The following PRKD3 variants were observed in gnomAD, a reference collection of about 807,000 sequenced individuals.
PRKD3 encodes serine/threonine-protein kinase D3.
In PRKD3, 47 loss-of-function variants were observed where a neutral mutation model predicts 99.2. The observed-to-expected ratio is 0.47, with a 90% CI of 0.38 to 0.60. PRKD3 has a LOEUF of 0.60. PRKD3 is among the 20% of genes least tolerant of loss of function. The pLI is 0.00. For missense variants in PRKD3, 1,019 were observed against 1,088.4 expected (o/e 0.94, Z 0.90); for synonymous variants, 392 against 355.4 (o/e 1.10, Z -1.16).
intron 14 of PRKD3, 141 bp from the exon 15 acceptor site, chr2:37,260,525 T>C (rs1668347419): frequency 2.5e-6 from 2 of 800,436 alleles, no homozygotes; most frequent in African/African-American, 3.5e-5. Context: ...AAAATTACAA[T>C]CAATGAAAAG....
At chr2:37,262,638 G>A (rs181712896) in intron 14 of PRKD3, among the ~76,000 whole-genome samples, 12 of 152,176 alleles carry the variant, frequency 7.9e-5, no homozygotes, top group Non-Finnish European at 1.5e-4. Context: ...AGGTTGAAAT[G>A]TGACTGTTTT....
chr2:37,261,734 T>C (rs11896441), intron 14 of PRKD3, among the ~76,000 whole-genome samples: 13,097 of 152,040 alleles, frequency 0.086, 629 homozygotes, highest in African/African-American at 0.12. Context: ...GAGCTGAGAT[T>C]GCGCCATTGC....
At chr2:37,258,386 TCAGCTAA>T (rs1187198191) in intron 16 of PRKD3, among the ~76,000 whole-genome samples, 1 of 152,198 alleles carries the variant, frequency 6.6e-6, no homozygotes, top group African/African-American at 2.4e-5. Context: ...ATGCCAGATT[TCAGCTAA>T]CATCTTGATA....
chr2:37,296,769 G>GA (rs1670691457), intron 2 of PRKD3, among the ~76,000 whole-genome samples: 3 of 151,470 alleles, frequency 2.0e-5, no homozygotes, highest in Non-Finnish European at 4.4e-5. Flanking sequence ...GCGTGGTGGC[G>GA]GGCGCCTGTA....
chr2:37,260,420 G>C, intron 14 of PRKD3, 36 bp from the exon 15 acceptor site: 1 of 1,560,706 alleles, frequency 6.4e-7, no homozygotes, highest in Non-Finnish European at 8.8e-7. Flanking sequence ...AGCAACTTAA[G>C]CAGAGAAACA....
chr2:37,262,232 A>G (rs1419900910), intron 14 of PRKD3, among the ~76,000 whole-genome samples: 2 of 152,176 alleles, frequency 1.3e-5, no homozygotes, highest in Non-Finnish European at 2.9e-5. Flanking sequence ...GCTGAGTTCC[A>G]TGTCTAAGAT....
In PRKD3 at chr2:37,277,915, G is replaced by C. The variant is rs1339636952; in HGVS notation, c.1247C>G (p.Thr416Arg). The C allele has an allele frequency of 6.2e-7, 1 of 1,613,598 alleles. No homozygotes were observed. Among genetic ancestry groups the C allele is most frequent in the Admixed American group, 1.7e-5 (1 of 59,994 alleles). Residue 416 changes from threonine (T) to arginine (R), a missense_variant, in exon 9 of 19, where the codon ACA (threonine) becomes AGA (arginine). Physicochemically the swap from Thr to Arg is moderately conservative, Grantham distance 71 (BLOSUM62 -1). Transcript: ENST00000234179. Reference sequence around the variant, plus strand: ...GACCATCCACCCTTCCTTCACCATTGTGCTGCTCTTCCTCTTTGTGTGCTT... The same window carrying C: ...GACCATCCACCCTTCCTTCACCATTCTGCTGCTCTTCCTCTTTGTGTGCTT... ...SIKHTKRKSSTMVKEGWMVHY... is the reference protein window; with the variant it reads ...SIKHTKRKSSRMVKEGWMVHY...
chr2:37,256,593 G>A (rs1667959387), intron 17 of PRKD3, 69 bp downstream of exon 17: 7 of 1,419,158 alleles, frequency 4.9e-6, no homozygotes, highest in Non-Finnish European at 6.5e-6. Flanking sequence ...GATTTGGGAT[G>A]AGAAAGATGT....
intron 2 of PRKD3, among the ~76,000 whole-genome samples, chr2:37,313,672 A>AT (rs1671539538): frequency 6.6e-6 from 1 of 152,214 alleles, no homozygotes; most frequent in African/African-American, 2.4e-5. Flanking sequence ...CTAATTTTTT[A>AT]TAAAAAGAAT....
chr2:37,313,581 C>A (rs1671536283), intron 2 of PRKD3, among the ~76,000 whole-genome samples: 1 of 152,048 alleles, frequency 6.6e-6, no homozygotes, highest in Non-Finnish European at 1.5e-5. Flanking sequence ...TTAATACATG[C>A]AAGCTAAAAA....
At chr2:37,291,213 T>C (rs980132041) in intron 3 of PRKD3, among the ~76,000 whole-genome samples, 10 of 152,190 alleles carry the variant, frequency 6.6e-5, no homozygotes, top group African/African-American at 2.4e-4. Context: ...AAGTAGGTCA[T>C]AGGTTAGTTA....
chr2:37,320,600 T>C (rs1671843447), intron 1 of PRKD3, among the ~76,000 whole-genome samples: 1 of 151,784 alleles, frequency 6.6e-6, no homozygotes, highest in South Asian at 2.1e-4. Context: ...CCTGGCTCAT[T>C]TTTGGATTTT....
intron 2 of PRKD3, among the ~76,000 whole-genome samples, chr2:37,306,241 G>A (rs1005827520): frequency 1.3e-5 from 2 of 152,064 alleles, no homozygotes; most frequent in African/African-American, 4.8e-5. Context: ...GCTGTGATCT[G>A]ATCAGGAAAT....
chr2:37,282,484 C>A, intron 7 of PRKD3, 58 bp downstream of exon 7: 1 of 1,091,790 alleles, frequency 9.2e-7, no homozygotes, highest in Non-Finnish European at 1.4e-6. Context: ...AAAGATAATA[C>A]ACCAAAGAAT....
rs544330113 is a variant in PRKD3 at position 37,319,862 on chromosome 2, G to C, written c.-655-2683C>G. 1.8e-4 allele frequency among the ~76,000 whole-genome samples: 28 copies of C among 152,280 alleles called. 1 individual carries two copies. In the South Asian group the frequency reaches 5.8e-3, roughly 32 times the overall value. ...GTGGTTTTCAAATACTTGAATAAGT[G>C]TTAATAGGAGAATTGATTTTATTCA... is the stretch of plus-strand genomic sequence containing the variant. On this transcript the variant is annotated intron_variant, in intron 1 of 18. Coordinates refer to ENST00000234179, the MANE Select transcript of PRKD3 (RefSeq NM_005813.6).
At chr2:37,293,828 C>G (rs1431053163) in intron 2 of PRKD3, among the ~76,000 whole-genome samples, 2 of 152,200 alleles carry the variant, frequency 1.3e-5, no homozygotes, top group Non-Finnish European at 2.9e-5. Context: ...TTACCTATTT[C>G]ATACTGTAGC....
intron 6 of PRKD3, among the ~76,000 whole-genome samples, chr2:37,285,974 G>A (rs921730321): frequency 7.9e-5 from 12 of 152,236 alleles, no homozygotes; most frequent in Middle Eastern, 3.4e-3. Context: ...CTACTATAGT[G>A]CCTGGCACCT....
At chr2:37,320,927 C>T (rs1671860485) in intron 1 of PRKD3, among the ~76,000 whole-genome samples, 1 of 152,062 alleles carries the variant, frequency 6.6e-6, no homozygotes, top group Non-Finnish European at 1.5e-5. Flanking sequence ...AACCTAAGAG[C>T]TGTCAGATTT....
rs1306558188 is a variant in PRKD3, at chr2:37,252,732, A to G, written c.*445T>C. 2.0e-5 allele frequency: 3 copies of G among 151,912 alleles called. No individual in the cohort carries two copies. The highest frequency in any genetic ancestry group is 2.0e-4 in the Admixed American group (3 of 15,228). 9.4% of individuals were successfully genotyped at this position (151,912 alleles called of 1,614,324 possible). ...ACCTCACAGTTACCTCTTAAATACA[A>G]GCCTGTCGAGTAATCAATCTTGTAA... On this transcript the variant is annotated 3_prime_UTR_variant, in exon 19 of 19. Transcript: ENST00000234179.
Sources: allele counts gnomAD v4.1 joint callset (sites outside exome capture counted in the v4.1 genomes callset), GRCh38; gene constraint gnomAD v4.1.1; transcripts MANE v1.5; gene names NCBI Gene and HGNC (gene_info 2026-07-23, HGNC 2026-07-21).